ASTN2: variants seen among roughly 807,000 people sequenced by gnomAD.
ASTN2 encodes astrotactin 2, also known as astrotactin-2.
A neutral mutation model predicts 139.8 loss-of-function variants in ASTN2; 54 were observed. The observed-to-expected ratio is 0.39, with a 90% CI of 0.31 to 0.48. The LOEUF (loss-of-function observed/expected upper bound fraction) is 0.48, where lower values mean the gene tolerates loss of function less well. Among genes scored for constraint, ASTN2 ranks in the 20% least tolerant of loss-of-function variants. ASTN2 has a pLI of 0.95. For missense variants in ASTN2, 1,565 were observed against 1,725.1 expected (o/e 0.91, Z 1.64); for synonymous variants, 756 against 719.5 (o/e 1.05, Z -0.81).
At chr9:116,895,797 A>G (rs1833865927) in intron 10 of ASTN2, among the ~76,000 whole-genome samples, 1 of 152,220 alleles carries the variant, frequency 6.6e-6, no homozygotes, top group Non-Finnish European at 1.5e-5. Flanking sequence ...AAAAATGGAG[A>G]TGCCAATAGA....
rs548113035 is a variant in ASTN2 at position 116,902,183 on chromosome 9, C to T, written c.1890-38450G>A. Among the ~76,000 whole-genome samples the T allele has an allele frequency of 3.3e-5, 5 of 152,262 alleles. No homozygotes were observed. In the South Asian group the frequency reaches 1.0e-3, roughly 32 times the overall value. ...GACAGCTCCATATGTGTTACTGCCC[C>T]AGAAGACTTTCCAGTGGGAAAAGAT... On this transcript the variant is annotated intron_variant, in intron 10 of 22. Coordinates refer to ENST00000313400, the MANE Select transcript of ASTN2 (RefSeq NM_001365068.1).
intron 19 of ASTN2, among the ~76,000 whole-genome samples, chr9:116,616,255 G>C (rs1855848290): frequency 6.6e-6 from 1 of 152,196 alleles, no homozygotes; most frequent in Admixed American, 6.5e-5. Context: ...GATCTCCTAA[G>C]ATCCTTCCAA....
At chr9:116,754,978 C>T (rs548425094) in intron 13 of ASTN2, among the ~76,000 whole-genome samples, 1 of 152,268 alleles carries the variant, frequency 6.6e-6, no homozygotes, top group East Asian at 1.9e-4. Context: ...ACGGACTCAT[C>T]ACTTACAGCC....
chr9:117,267,658 C>A (rs1381090451), intron 2 of ASTN2, among the ~76,000 whole-genome samples: 1 of 152,118 alleles, frequency 6.6e-6, no homozygotes, highest in Non-Finnish European at 1.5e-5. Flanking sequence ...AAAAAAATTC[C>A]TCCTCCCAAT....
intron 12 of ASTN2, among the ~76,000 whole-genome samples, chr9:116,813,968 G>A (rs1282524948): frequency 1.3e-5 from 2 of 151,744 alleles, no homozygotes; most frequent in South Asian, 2.1e-4. Context: ...CCCGGGAGGA[G>A]GTGGTTGCGG....
chr9:117,389,600 G>A (rs1487504508), intron 1 of ASTN2, among the ~76,000 whole-genome samples: 1 of 152,148 alleles, frequency 6.6e-6, no homozygotes, highest in Non-Finnish European at 1.5e-5. Flanking sequence ...GGTCTACTCA[G>A]ACTTGACACT....
intron 16 of ASTN2, among the ~76,000 whole-genome samples, chr9:116,720,299 A>G (rs1026110532): frequency 5.3e-5 from 8 of 152,190 alleles, no homozygotes; most frequent in Non-Finnish European, 7.3e-5. Flanking sequence ...ACACCTTTTA[A>G]AAGTGGCGAC....
chr9:116,527,831 C>A (rs1054293787), intron 19 of ASTN2, among the ~76,000 whole-genome samples: 8 of 152,072 alleles, frequency 5.3e-5, no homozygotes, highest in African/African-American at 4.8e-5. Flanking sequence ...TTCCCACCCC[C>A]CTCACTCTCC....
chr9:117,249,070 C>A (rs1444490933), intron 2 of ASTN2, among the ~76,000 whole-genome samples: 1 of 152,206 alleles, frequency 6.6e-6, no homozygotes, highest in Non-Finnish European at 1.5e-5. Flanking sequence ...GTATTTAAAA[C>A]ACCTGTTCTC....
chr9:117,174,563 G>A (rs1237500114), intron 3 of ASTN2, among the ~76,000 whole-genome samples: 1 of 151,742 alleles, frequency 6.6e-6, no homozygotes, highest in Non-Finnish European at 1.5e-5. Flanking sequence ...AAGGAAGGCT[G>A]TGTAAACCTC....
intron 16 of ASTN2, among the ~76,000 whole-genome samples, chr9:116,724,864 G>A (rs1043411410): frequency 2.0e-5 from 3 of 152,162 alleles, no homozygotes; most frequent in South Asian, 2.1e-4. Flanking sequence ...GTTGAAAGAG[G>A]GAAAGAACAT....
chr9:116,748,204 A>C (rs1829299036), intron 13 of ASTN2, among the ~76,000 whole-genome samples: 1 of 152,240 alleles, frequency 6.6e-6, no homozygotes, highest in Non-Finnish European at 1.5e-5. Context: ...AATGAGATTC[A>C]GAGAGGAAGA....
intron 11 of ASTN2, among the ~76,000 whole-genome samples, chr9:116,842,932 C>T (rs971311805): frequency 6.6e-6 from 1 of 152,102 alleles, no homozygotes; most frequent in African/African-American, 2.4e-5. Flanking sequence ...CTGCCTACAC[C>T]TGGATCTGGA....
At chr9:116,666,582 A>G (rs1227154377) in intron 16 of ASTN2, among the ~76,000 whole-genome samples, 1 of 152,226 alleles carries the variant, frequency 6.6e-6, no homozygotes, top group African/African-American at 2.4e-5. Flanking sequence ...TTACTGTATC[A>G]TACTTTTAAA....
chr9:117,187,223 T>G (rs762398448), intron 3 of ASTN2, among the ~76,000 whole-genome samples: 3 of 152,144 alleles, frequency 2.0e-5, no homozygotes, highest in Non-Finnish European at 4.4e-5. Context: ...ATTTTTTATT[T>G]TATACAGGCT....
At chr9:116,976,538 T>A (rs1836345349) in intron 8 of ASTN2, among the ~76,000 whole-genome samples, 163 bp downstream of exon 8, 1 of 152,350 alleles carries the variant, frequency 6.6e-6, no homozygotes, top group Non-Finnish European at 1.5e-5. Context: ...AAAATGTGAT[T>A]CCATGGGAAA....
chr9:116,790,979 GAAA>G (rs1564268944), intron 13 of ASTN2, among the ~76,000 whole-genome samples: 25 of 58,214 alleles, frequency 4.3e-4, no homozygotes, highest in African/African-American at 1.5e-3. Context: ...AAGAAAGAAA[GAAA>G]GAAAGAAAGA....
intron 10 of ASTN2, among the ~76,000 whole-genome samples, chr9:116,959,054 C>T (rs747944555): frequency 2.6e-5 from 4 of 152,192 alleles, no homozygotes; most frequent in Admixed American, 6.5e-5. Context: ...CAACCGACTA[C>T]GGCAGTGAAG....
At chr9:117,160,037 C>T (rs1365470994) in intron 3 of ASTN2, among the ~76,000 whole-genome samples, 1 of 151,960 alleles carries the variant, frequency 6.6e-6, no homozygotes, top group Non-Finnish European at 1.5e-5. Context: ...AAGGATACTC[C>T]ACTATGAAAA....
Sources: allele counts gnomAD v4.1 joint callset (sites outside exome capture counted in the v4.1 genomes callset), GRCh38; gene constraint gnomAD v4.1.1; transcripts MANE v1.5; gene names NCBI Gene and HGNC (gene_info 2026-07-23, HGNC 2026-07-21).